Variants in ARL15 observed in about 807,000 individuals in gnomAD.
ARL15 encodes the protein ADP-ribosylation factor-like protein 15.
Under a neutral mutation model 25.2 loss-of-function variants are expected in ARL15, and 19 were observed. That is an observed-to-expected ratio of 0.75 (90% CI 0.53 to 1.10). The LOEUF is 1.10. Among genes scored for constraint, ARL15 ranks in the 50% least tolerant of loss-of-function variants. The pLI is 0.00. For synonymous variants in ARL15, 94 were observed against 86.8 expected, an observed-to-expected ratio of 1.08 and a Z score of -0.46; for missense variants, 220 against 246.0, an observed-to-expected ratio of 0.89 and a Z score of 0.71.
chr5:53,992,837 G>A (rs13168190), intron 4 of ARL15, among the ~76,000 whole-genome samples: 19 of 151,984 alleles, frequency 1.3e-4, no homozygotes, highest in African/African-American at 2.4e-4. Context: ...GAGGTGGGTC[G>A]GGAGTTTGAG....
At chr5:53,915,150 G>T (rs548271268) in intron 4 of ARL15, among the ~76,000 whole-genome samples, 1 of 152,298 alleles carries the variant, frequency 6.6e-6, no homozygotes, top group African/African-American at 2.4e-5. Flanking sequence ...TCCCTCCCTT[G>T]TCCTTGCCTT....
intron 1 of ARL15, among the ~76,000 whole-genome samples, chr5:54,283,441 T>TTCCAAACGTC (rs1758108543): frequency 2.4e-5 from 2 of 81,840 alleles, no homozygotes; most frequent in African/African-American, 8.7e-5. Flanking sequence ...CTTTCAAATA[T>TTCCAAACGTC]CAACGGTGCT....
intron 1 of ARL15, among the ~76,000 whole-genome samples, chr5:54,183,398 T>C (rs904005000): frequency 3.0e-5 from 4 of 131,188 alleles, no homozygotes. Context: ...TCTGCATCTA[T>C]TGAGATAATC....
intron 4 of ARL15, among the ~76,000 whole-genome samples, chr5:54,105,854 A>C (rs1752574443): frequency 6.6e-6 from 1 of 152,206 alleles, no homozygotes; most frequent in Admixed American, 6.5e-5. Flanking sequence ...TGTTTTTAAT[A>C]AATTGAATTC....
At chr5:54,068,873 C>T (rs1751327709) in intron 4 of ARL15, among the ~76,000 whole-genome samples, 2 of 152,184 alleles carry the variant, frequency 1.3e-5, no homozygotes, top group Non-Finnish European at 2.9e-5. Context: ...GACTTCTTAG[C>T]TCAGCTCTGC....
At chr5:54,254,721 G>A (rs938957384) in intron 1 of ARL15, among the ~76,000 whole-genome samples, 17 of 152,184 alleles carry the variant, frequency 1.1e-4, no homozygotes, top group Non-Finnish European at 2.4e-4. Context: ...CCTTACACGA[G>A]TTACGTGGCT....
chr5:54,210,507 A>T (rs2112505619), intron 1 of ARL15, among the ~76,000 whole-genome samples: 1 of 152,366 alleles, frequency 6.6e-6, no homozygotes, highest in East Asian at 1.9e-4. Context: ...AAGCTAAAGC[A>T]TTGCAAATGG....
intron 1 of ARL15, among the ~76,000 whole-genome samples, chr5:54,224,193 C>A (rs1276694820): frequency 6.6e-6 from 1 of 152,152 alleles, no homozygotes; most frequent in African/African-American, 2.4e-5. Flanking sequence ...GATATGTGGG[C>A]TGAACTCCAA....
intron 4 of ARL15, among the ~76,000 whole-genome samples, chr5:53,952,187 G>A (rs549691955): frequency 4.6e-5 from 7 of 152,130 alleles, no homozygotes; most frequent in South Asian, 4.2e-4. Context: ...GCTTGAACCC[G>A]GGAGGCAGAG....
chr5:54,084,437 AAGAG>A (rs1303512265), intron 4 of ARL15, among the ~76,000 whole-genome samples: 2 of 151,554 alleles, frequency 1.3e-5, no homozygotes, highest in Non-Finnish European at 2.9e-5. Flanking sequence ...AAAAAAAAAA[AAGAG>A]AGACTGTAAC....
chr5:54,116,335 A>G (rs1403227467), intron 3 of ARL15, among the ~76,000 whole-genome samples: 1 of 152,186 alleles, frequency 6.6e-6, no homozygotes, highest in African/African-American at 2.4e-5. Flanking sequence ...TGGGTAGGAT[A>G]CCAACAGCAT....
At chr5:53,897,528 G>A (rs1744912064) in intron 4 of ARL15, among the ~76,000 whole-genome samples, 1 of 152,138 alleles carries the variant, frequency 6.6e-6, no homozygotes, top group Non-Finnish European at 1.5e-5. Context: ...AAATAATGCT[G>A]CTTTTTATGA....
Position 54,139,831 on chromosome 5 carries a change from C to CA in ARL15, c.253+14748dup, listed in dbSNP as rs575945579. On this transcript the variant is annotated intron_variant, in intron 3 of 4. Transcript: ENST00000504924. ...TGGGCAACAGAATGAGACCCTGTCTCAAAAAAAAGGAATAAAAAATGACTT... is the reference window on the plus strand; with the variant it reads ...TGGGCAACAGAATGAGACCCTGTCTCAAAAAAAAAGGAATAAAAAATGACTT... Among the ~76,000 whole-genome samples, 332 of 150,602 alleles carry CA rather than the reference C, an allele frequency of 2.2e-3. 3 individuals are homozygous for CA. The highest frequency in any genetic ancestry group is 8.2e-3 in the Admixed American group (125 of 15,170).
At chr5:54,303,339 T>G (rs1758660747) in intron 1 of ARL15, among the ~76,000 whole-genome samples, 1 of 152,052 alleles carries the variant, frequency 6.6e-6, no homozygotes, top group Non-Finnish European at 1.5e-5. Flanking sequence ...CTGGGCAACA[T>G]GGTGAAACCC....
intron 4 of ARL15, among the ~76,000 whole-genome samples, chr5:53,973,936 A>G (rs973081933): frequency 6.6e-6 from 1 of 152,202 alleles, no homozygotes. Flanking sequence ...AAGTCTTTAA[A>G]ATTTTATGTT....
chr5:54,099,508 G>A (rs1752377679), intron 4 of ARL15, among the ~76,000 whole-genome samples: 1 of 152,086 alleles, frequency 6.6e-6, no homozygotes. Context: ...TAGCTTTGCA[G>A]TATTTTCTTT....
chr5:54,253,170 A>G (rs964989166), intron 1 of ARL15, among the ~76,000 whole-genome samples: 22 of 152,188 alleles, frequency 1.4e-4, no homozygotes, highest in African/African-American at 5.1e-4. Flanking sequence ...ACGGCATTTT[A>G]TGGCTTCTCG....
intron 4 of ARL15, among the ~76,000 whole-genome samples, chr5:53,898,401 C>T (rs568694118): frequency 6.6e-5 from 10 of 152,138 alleles, no homozygotes; most frequent in Non-Finnish European, 1.3e-4. Flanking sequence ...ATTCTTTAAA[C>T]GTTTGGTAGA....
intron 4 of ARL15, among the ~76,000 whole-genome samples, chr5:54,111,304 A>G (rs1200337221): frequency 6.6e-6 from 1 of 152,078 alleles, no homozygotes; most frequent in East Asian, 1.9e-4. Flanking sequence ...TTCAGACCAT[A>G]TCTATGACAA....
Sources: gnomAD v4.1 joint callset for allele counts (sites outside exome capture counted in the v4.1 genomes callset) on GRCh38, gnomAD v4.1.1 for gene constraint, MANE v1.5 for transcripts, NCBI Gene and HGNC (gene_info 2026-07-23, HGNC 2026-07-21) for gene names.